The following GRIP2 variants were observed in gnomAD, a reference collection of about 807,000 sequenced individuals.
GRIP2 encodes the protein glutamate receptor interacting protein 2.
A neutral mutation model predicts 108.3 loss-of-function variants in GRIP2; 58 were observed. That is an observed-to-expected ratio of 0.54 (90% confidence interval 0.43 to 0.67). The LOEUF is 0.67. Among genes scored for constraint, GRIP2 ranks in the 30% least tolerant of loss-of-function variants. GRIP2 has a pLI of 0.00. For missense variants in GRIP2, 1,278 were observed against 1,430.6 expected, an observed-to-expected ratio of 0.89 and a Z score of 1.72; for synonymous variants, 586 against 598.2, an observed-to-expected ratio of 0.98 and a Z score of 0.30.
the GRIP2 span, among the ~76,000 whole-genome samples, chr3:14,593,179 C>G: frequency 9.0e-4 from 137 of 152,356 alleles, no homozygotes; most frequent in African/African-American, 3.2e-3. Flanking sequence ...GTTCCTGACA[C>G]CCTTGTCTGC....
Position 14,540,163 on chromosome 3 carries a change from G to T in GRIP2, c.40+106C>A. 1 of 1,391,308 alleles carries T rather than the reference G, an allele frequency of 7.2e-7. No homozygotes were observed. Among genetic ancestry groups the T allele is most frequent in the South Asian group, 1.4e-5 (1 of 70,506 alleles). 86.2% of individuals were successfully genotyped at this position (1,391,308 alleles called of 1,614,324 possible). A position where few individuals can be genotyped will look rare whatever the true frequency, so the allele number is the denominator to read the frequency against. On this transcript the variant is annotated intron_variant, in intron 1 of 23. Coordinates refer to ENST00000621039, the MANE Select transcript of GRIP2 (RefSeq NM_001080423.4). This position sits in a 1 kb window ranked among gnomAD's most constrained non-coding sequence, Gnocchi z 4.1. ...CCAAGCCCTGGGTCTCCAGGGAGTG[G>T]CAGTCCCAGGTCTCAGCCATCCAGT... is the stretch of plus-strand genomic sequence containing the variant.
chr3:14,501,792 CAT>C (rs1270430827), intron 21 of GRIP2, among the ~76,000 whole-genome samples: 1 of 152,100 alleles, frequency 6.6e-6, no homozygotes, highest in Non-Finnish European at 1.5e-5. Context: ...ACCATACACA[CAT>C]ATCACTTAGG....
chr3:14,554,150 C>T (rs1205638709), intron 1 of GRIP2, among the ~76,000 whole-genome samples: 1 of 152,104 alleles, frequency 6.6e-6, no homozygotes, highest in Non-Finnish European at 1.5e-5. Context: ...CTCAGAAGGG[C>T]AGTTTTTCTT....
At chr3:14,514,244 TTCTCTC>T (rs1218817798) in intron 12 of GRIP2, 42 bp downstream of exon 12, 15 of 1,396,176 alleles carry the variant, frequency 1.1e-5, no homozygotes, top group Non-Finnish European at 1.4e-5. Context: ...GTGACTCAGT[TTCTCTC>T]AGAGAGTGGC....
chr3:14,552,741 C>T (rs922757286), intron 1 of GRIP2, among the ~76,000 whole-genome samples: 8 of 151,844 alleles, frequency 5.3e-5, no homozygotes, highest in South Asian at 2.1e-4. Context: ...TACAGGCGTG[C>T]GCCACCACAC....
the GRIP2 span, among the ~76,000 whole-genome samples, chr3:14,591,968 G>A: frequency 2.0e-5 from 3 of 152,238 alleles, no homozygotes; most frequent in Non-Finnish European, 4.4e-5. Context: ...TGTTCTGTGA[G>A]ATCTAGGACC....
At chr3:14,573,266 C>T in the GRIP2 span, 2 of 1,399,822 alleles carry the variant, frequency 1.4e-6, no homozygotes, top group Admixed American at 1.8e-5. Context: ...CAGCTGGAAC[C>T]ACCTCTGCTC....
the GRIP2 span, among the ~76,000 whole-genome samples, chr3:14,576,636 C>G: frequency 6.6e-6 from 1 of 152,192 alleles, no homozygotes; most frequent in African/African-American, 2.4e-5. Flanking sequence ...TACAGGTGCT[C>G]TCCTGCCACG....
chr3:14,548,313 G>A (rs746923999), intron 1 of GRIP2, among the ~76,000 whole-genome samples: 23 of 152,102 alleles, frequency 1.5e-4, no homozygotes, highest in Non-Finnish European at 2.1e-4. Context: ...CACTGTGACC[G>A]GCCATGTGGA....
chr3:14,507,465 G>T lies in GRIP2; in HGVS notation c.2218+96C>A. The T allele has an allele frequency of 1.4e-6, 2 of 1,457,452 alleles. No homozygotes were observed. Among genetic ancestry groups the T allele is most frequent in the South Asian group, 2.5e-5 (2 of 81,250 alleles). The allele number at this position is 1,457,452 out of a possible 1,614,324, so 90.3% of individuals were successfully genotyped here. On this transcript the variant is annotated intron_variant, in intron 18 of 23. Coordinates refer to ENST00000621039, the MANE Select transcript of GRIP2 (RefSeq NM_001080423.4). This position sits in a 1 kb window ranked among gnomAD's most constrained non-coding sequence, Gnocchi z 4.6. ...AGGCCCGCCTCCACAGGGCTGCAGT[G>T]AGGACTCTGTGAGGGTGTGCAGGCA...
Position 14,509,885 on chromosome 3 carries a change from C to T in GRIP2, c.2013G>A (p.Ser671=), listed in dbSNP as rs528862839. 4.1e-5 allele frequency: 64 copies of T among 1,545,398 alleles called. No individual in the cohort carries two copies. The highest frequency in any genetic ancestry group is 3.2e-4 in the South Asian group (26 of 81,694). ...RYGGPLGITI[S]GTEEPFDPIV... ...TGGGGTCAAAAGGTTCCTCCGTGCCCGAAATGGTGATGCCCAGGGGACCCC... is the reference window on the plus strand; with the variant it reads ...TGGGGTCAAAAGGTTCCTCCGTGCCTGAAATGGTGATGCCCAGGGGACCCC... Residue 671 remains serine (S), a synonymous_variant, in exon 17 of 24, where the codon TCG becomes TCA. Coordinates refer to ENST00000621039, the MANE Select transcript of GRIP2 (RefSeq NM_001080423.4).
At chr3:14,586,584 T>A in the GRIP2 span, among the ~76,000 whole-genome samples, 2 of 152,008 alleles carry the variant, frequency 1.3e-5, no homozygotes, top group African/African-American at 4.8e-5. Flanking sequence ...GGAGGCCTCA[T>A]GGAATGTAGA....
At chr3:14,579,642 G>A in the GRIP2 span, among the ~76,000 whole-genome samples, 1 of 151,748 alleles carries the variant, frequency 6.6e-6, no homozygotes, top group East Asian at 1.9e-4. Flanking sequence ...CACAGCCCTG[G>A]AGTCAGGCCC....
the GRIP2 span, among the ~76,000 whole-genome samples, chr3:14,599,387 C>G: frequency 6.6e-6 from 1 of 152,186 alleles, no homozygotes; most frequent in African/African-American, 2.4e-5. Flanking sequence ...ATCTGACCTT[C>G]TCAACTGGGT....
In GRIP2 at chr3:14,512,804, T is replaced by A; in HGVS notation, c.1693A>T (p.Ser565Cys). 2 of 1,613,674 alleles carry A rather than the reference T, an allele frequency of 1.2e-6. No individual in the cohort carries two copies. The highest frequency in any genetic ancestry group is 1.7e-6 in the Non-Finnish European group (2 of 1,179,878). Residue 565 changes from serine to cysteine, a missense_variant, in exon 14 of 24, where the codon AGC becomes TGC. Ser to Cys is a moderately radical substitution (Grantham distance 112). Coordinates refer to ENST00000621039, the MANE Select transcript of GRIP2 (RefSeq NM_001080423.4). This position sits in a 1 kb window ranked among gnomAD's most constrained non-coding sequence, Gnocchi z 5.1. ...CTGATGGTGATGCCCAGCTCCACGC[T>A]GCGCTTCTTGGGCAGCTTCACGTGG... The part of the protein sequence containing the change: ...TFHVKLPKKR[S>C]VELGITISSA...
intron 1 of GRIP2, among the ~76,000 whole-genome samples, chr3:14,550,833 A>C (rs1450106036): frequency 1.7e-4 from 26 of 152,186 alleles, no homozygotes; most frequent in Non-Finnish European, 1.5e-5. Flanking sequence ...AGGAGCAAGG[A>C]TCTTGCCCAA....
chr3:14,523,694 A>G lies in GRIP2; in HGVS notation c.408T>C (p.Pro136=). ...TTGAAATGATCCTGGGGTTATTCTC[A>G]GGAGCTGGGGAGAAATGGAGGACTC... The part of the protein sequence containing the change: ...EVEYELPPPA[P]ENNPRIISKT... The change falls in exon 5 of 24, where the codon CCT becomes CCC. Residue 136 remains proline (P), a synonymous_variant. Coordinates refer to ENST00000621039, the MANE Select transcript of GRIP2 (RefSeq NM_001080423.4). The G allele has an allele frequency of 1.2e-6, 2 of 1,608,842 alleles. No individual in the cohort carries two copies. Among genetic ancestry groups the G allele is most frequent in the Non-Finnish European group, 1.7e-6 (2 of 1,177,242 alleles).
rs1209781044 is a variant in GRIP2, at chr3:14,540,254, C to T, written c.40+15G>A. On this transcript the variant is annotated intron_variant, in intron 1 of 23. Transcript: ENST00000621039. The surrounding 1 kb of genome is among the most constrained non-coding windows in gnomAD (Gnocchi z 4.1). The stretch of plus-strand genomic sequence containing the variant: ...TCAGCCCCATCACTCTGCCCACAGA[C>T]CCCCCATTACGTACCCGCCTCTCCA... The T allele has an allele frequency of 1.9e-6, 3 of 1,612,934 alleles. No individual in the cohort carries two copies. Among genetic ancestry groups the T allele is most frequent in the African/African-American group, 1.3e-5 (1 of 75,018 alleles).
chr3:14,513,493 C>T (rs1694157103), intron 13 of GRIP2, among the ~76,000 whole-genome samples, 172 bp downstream of exon 13: 1 of 152,232 alleles, frequency 6.6e-6, no homozygotes. Flanking sequence ...GTGGAAACTT[C>T]TCCCTCCCGT....
Sources: allele counts gnomAD v4.1 joint callset (sites outside exome capture counted in the v4.1 genomes callset), GRCh38; gene constraint gnomAD v4.1.1; non-coding constraint Gnocchi (gnomAD v3.1); transcripts MANE v1.5; gene names NCBI Gene and HGNC (gene_info 2026-07-23, HGNC 2026-07-21).